PHLPP2: variants seen among roughly 807,000 people sequenced by gnomAD.
PHLPP2 encodes PH domain and leucine rich repeat protein phosphatase 2.
PHLPP2 carries 66 observed loss-of-function variants against 124.9 expected under a neutral mutation model. The ratio of observed to expected loss-of-function variants is 0.53; its 90% CI spans 0.43 to 0.65. The LOEUF (loss-of-function observed/expected upper bound fraction) is 0.65, where lower values mean the gene tolerates loss of function less well. Ranked by LOEUF, PHLPP2 falls within the 30% of genes least tolerant of loss-of-function variation. PHLPP2 has a pLI of 0.00. For missense variants in PHLPP2, 1,685 were observed against 1,600.4 expected (o/e 1.05, Z -0.90); for synonymous variants, 681 against 624.7 (o/e 1.09, Z -1.34).
intron 3 of PHLPP2, among the ~76,000 whole-genome samples, chr16:71,693,058 A>C (rs2145356781): frequency 1.3e-5 from 2 of 152,238 alleles, no homozygotes; most frequent in East Asian, 3.9e-4. Context: ...TGGGAGGCTG[A>C]GGCGGGCGGA....
In PHLPP2 at chr16:71,714,785, T is replaced by C. The variant is rs770884873; in HGVS notation, c.11A>G (p.Asn4Ser). 9.4e-5 allele frequency: 151 copies of C among 1,611,436 alleles called. No individual in the cohort carries two copies. Among genetic ancestry groups the C allele is most frequent in the Admixed American group, 5.4e-4 (32 of 59,568 alleles). The part of the protein sequence containing the change: MKR[N>S]GSRNCLNRRS... ...CCTATTCAAACAATTTCTGCTCCCA[T>C]TGCGTTTCATATTTCTCTAAAAAAT... Residue 4 changes from asparagine to serine, a missense_variant, in exon 2 of 19, where the codon AAT becomes AGT. Asn to Ser is a conservative substitution (Grantham distance 46, BLOSUM62 1). Coordinates refer to ENST00000568954, the MANE Select transcript of PHLPP2 (RefSeq NM_015020.3).
intron 12 of PHLPP2, among the ~76,000 whole-genome samples, chr16:71,665,591 G>A (rs113347078): frequency 1.8e-3 from 277 of 152,152 alleles, no homozygotes; most frequent in Non-Finnish European, 3.1e-3. Context: ...TTTACATAAC[G>A]AATTAGCTTT....
chr16:71,670,571 A>G (rs892904564), intron 10 of PHLPP2, among the ~76,000 whole-genome samples: 6 of 151,964 alleles, frequency 3.9e-5, no homozygotes, highest in African/African-American at 1.4e-4. Context: ...AATTCTTGAG[A>G]AATTTGGACA....
intron 9 of PHLPP2, among the ~76,000 whole-genome samples, chr16:71,673,706 T>C (rs1472207508): frequency 6.6e-6 from 1 of 152,140 alleles, no homozygotes. Flanking sequence ...AGAGTAAATA[T>C]TTAGGACTGT....
At chr16:71,723,898 C>G (rs1050240235) in intron 1 of PHLPP2, 1 of 926,274 alleles carries the variant, frequency 1.1e-6, no homozygotes, top group Non-Finnish European at 1.4e-6. Flanking sequence ...AGACGCCCGG[C>G]CCGCGCGACG....
intron 12 of PHLPP2, among the ~76,000 whole-genome samples, chr16:71,665,385 T>C (rs79448321): frequency 0.086 from 13,091 of 152,236 alleles, 592 homozygotes; most frequent in Middle Eastern, 0.11. Flanking sequence ...ACACTGAATA[T>C]TACAAATCCA....
In PHLPP2 at chr16:71,696,016, T is replaced by C. The variant is rs542703157; in HGVS notation, c.419-5307A>G. Among the ~76,000 whole-genome samples the C allele has an allele frequency of 3.9e-5, 6 of 152,278 alleles. No individual in the cohort carries two copies. The East Asian group carries it at 1.2e-3, about 29-fold the overall frequency. On this transcript the variant is annotated intron_variant, in intron 3 of 18. Coordinates refer to ENST00000568954, the MANE Select transcript of PHLPP2 (RefSeq NM_015020.3). ...TGACACCATAGTCATATTACACTTG[T>C]GTAGTTAAACACCCAATGTTTTAAA...
intron 1 of PHLPP2, among the ~76,000 whole-genome samples, chr16:71,716,042 T>C (rs1012689485): frequency 2.0e-5 from 3 of 152,028 alleles, no homozygotes; most frequent in Non-Finnish European, 2.9e-5. Flanking sequence ...TATTGTCTTA[T>C]CTAATTTAAA....
chr16:71,681,666 A>G, intron 6 of PHLPP2, 85 bp downstream of exon 6: 1 of 1,063,350 alleles, frequency 9.4e-7, no homozygotes, highest in Non-Finnish European at 1.3e-6. Flanking sequence ...TAGAATATAC[A>G]TACAATGGTA....
rs188427869 is a variant in PHLPP2 at position 71,685,641 on chromosome 16, C to T, written c.610-1040G>A. Among the ~76,000 whole-genome samples, 501 of 152,228 alleles carry T rather than the reference C, an allele frequency of 3.3e-3. 1 individual carries two copies. The highest frequency in any genetic ancestry group is 0.012 in the African/African-American group (481 of 41,538). Reference sequence around the variant, plus strand: ...ATTTTTCATTAGTAACAAATCATTGCAACTGAATGAGTCTGTGTCAAAATA... The same window carrying T: ...ATTTTTCATTAGTAACAAATCATTGTAACTGAATGAGTCTGTGTCAAAATA... On this transcript the variant is annotated intron_variant, in intron 4 of 18. Coordinates refer to ENST00000568954, the MANE Select transcript of PHLPP2 (RefSeq NM_015020.3).
intron 1 of PHLPP2, chr16:71,724,036 C>G (rs7201649): frequency 0.85 from 149,926 of 175,986 alleles, 64,144 homozygotes; most frequent in East Asian, 0.99. Flanking sequence ...AAGCAGCTGC[C>G]GGCGCCGAGT....
At chr16:71,653,529 C>G (rs796559666) in intron 17 of PHLPP2, among the ~76,000 whole-genome samples, 1 of 152,178 alleles carries the variant, frequency 6.6e-6, no homozygotes, top group Non-Finnish European at 1.5e-5. Flanking sequence ...ATGATTCTTG[C>G]ATTTCCCCCA....
Position 71,678,840 on chromosome 16 carries a change from T to C in PHLPP2, c.1183A>G (p.Arg395Gly). The C allele has an allele frequency of 6.2e-7, 1 of 1,612,320 alleles. No individual in the cohort carries two copies. Among genetic ancestry groups the C allele is most frequent in the Non-Finnish European group, 8.5e-7 (1 of 1,178,352 alleles). ...EVYEKLTMLD[R>G]VVMAGNCLEV... ...AGGCAATTTCCTGCCATAACCACTCTATCTAACATAGTGAGTTTCTCATAA... is the reference window on the plus strand; with the variant it reads ...AGGCAATTTCCTGCCATAACCACTCCATCTAACATAGTGAGTTTCTCATAA... Residue 395 changes from arginine to glycine, a missense_variant, in exon 8 of 19, where the codon AGA becomes GGA. By Grantham distance (125) the Arg-to-Gly change is moderately radical (BLOSUM62 -2). Coordinates refer to ENST00000568954, the MANE Select transcript of PHLPP2 (RefSeq NM_015020.3).
intron 18 of PHLPP2, among the ~76,000 whole-genome samples, chr16:71,650,477 G>A (rs1038738720): frequency 5.3e-5 from 8 of 152,172 alleles, no homozygotes; most frequent in African/African-American, 1.7e-4. Context: ...GATACCAATG[G>A]CAAAGACAAT....
chr16:71,655,659 C>T (rs935946973), intron 16 of PHLPP2, among the ~76,000 whole-genome samples: 4 of 151,930 alleles, frequency 2.6e-5, no homozygotes, highest in African/African-American at 7.3e-5. Flanking sequence ...CCTGCCACCA[C>T]GCTGGGCTAA....
chr16:71,653,099 CTTTTTTTT>C (rs11298836), intron 17 of PHLPP2, 78 bp from the exon 18 acceptor site: 13 of 547,556 alleles, frequency 2.4e-5, no homozygotes, highest in Admixed American at 3.2e-5. Context: ...TACATCCCTT[CTTTTTTTT>C]TTTTTTTTTT....
chr16:71,693,015 G>C (rs767980497), intron 3 of PHLPP2, among the ~76,000 whole-genome samples: 1 of 152,104 alleles, frequency 6.6e-6, no homozygotes, highest in African/African-American at 2.4e-5. Flanking sequence ...GCCTGGCCAG[G>C]AGCAGTGGCT....
intron 12 of PHLPP2, chr16:71,666,192 A>AT (rs987675419): frequency 1.3e-5 from 2 of 152,192 alleles, no homozygotes; most frequent in Non-Finnish European, 2.9e-5. Flanking sequence ...ACCATTCCGT[A>AT]TTAAAAAAAA....
chr16:71,656,265 G>A (rs2044741269), intron 16 of PHLPP2, among the ~76,000 whole-genome samples: 1 of 152,138 alleles, frequency 6.6e-6, no homozygotes, highest in South Asian at 2.1e-4. Flanking sequence ...CTATTGCTGG[G>A]TATAAAACTT....
Sources: gnomAD v4.1 joint callset for allele counts (sites outside exome capture counted in the v4.1 genomes callset) on GRCh38, gnomAD v4.1.1 for gene constraint, MANE v1.5 for transcripts, NCBI Gene and HGNC (gene_info 2026-07-23, HGNC 2026-07-21) for gene names.